Variants in AOAH observed in about 807,000 individuals in gnomAD.
AOAH encodes acyloxyacyl hydrolase, also known as acyloxyacyl hydrolase (neutrophil).
AOAH carries 64 observed loss-of-function variants against 92.2 expected under a neutral mutation model. That is an observed-to-expected ratio of 0.69 (90% CI 0.57 to 0.86). The LOEUF (loss-of-function observed/expected upper bound fraction) is 0.86. AOAH is among the 40% of genes least tolerant of loss of function. AOAH has a pLI of 0.00. For synonymous variants in AOAH, 263 were observed against 254.5 expected, an observed-to-expected ratio of 1.03 and a Z score of -0.32; for missense variants, 656 against 694.6, an observed-to-expected ratio of 0.94 and a Z score of 0.62.
intron 1 of AOAH, among the ~76,000 whole-genome samples, chr7:36,703,920 C>A (rs1184229994): frequency 6.6e-6 from 1 of 152,126 alleles, no homozygotes; most frequent in Admixed American, 6.6e-5. Flanking sequence ...ATTTACACTC[C>A]CACCAACAGT....
chr7:36,695,257 T>C (rs1409224434), intron 1 of AOAH, among the ~76,000 whole-genome samples: 1 of 152,208 alleles, frequency 6.6e-6, no homozygotes, highest in Non-Finnish European at 1.5e-5. Context: ...AAAAGTACTC[T>C]TCTATATCCA....
chr7:36,593,662 T>C (rs1172452972), intron 12 of AOAH, among the ~76,000 whole-genome samples: 1 of 152,234 alleles, frequency 6.6e-6, no homozygotes, highest in African/African-American at 2.4e-5. Context: ...GGGAGAGAAA[T>C]TGCCTCTCAT....
At chr7:36,634,174 T>C (rs890852119) in intron 5 of AOAH, among the ~76,000 whole-genome samples, 1 of 152,126 alleles carries the variant, frequency 6.6e-6, no homozygotes, top group South Asian at 2.1e-4. Flanking sequence ...AAGCTTCTAC[T>C]AAGGTAGGAG....
At chr7:36,718,926 T>TATG (rs1366870696) in intron 1 of AOAH, among the ~76,000 whole-genome samples, 1 of 152,238 alleles carries the variant, frequency 6.6e-6, no homozygotes, top group Non-Finnish European at 1.5e-5. Flanking sequence ...GAGTGAAGTT[T>TATG]ATGATACATG....
intron 11 of AOAH, among the ~76,000 whole-genome samples, chr7:36,596,843 C>T (rs2727811): frequency 0.45 from 68,400 of 152,038 alleles, 16,421 homozygotes; most frequent in African/African-American, 0.62. Flanking sequence ...TGGCTTGAAT[C>T]GGACAATATG....
At chr7:36,519,937 C>T (rs1784026446) in intron 20 of AOAH, among the ~76,000 whole-genome samples, 2 of 152,204 alleles carry the variant, frequency 1.3e-5, no homozygotes, top group African/African-American at 4.8e-5. Flanking sequence ...GGTAGTCACT[C>T]AATAAATAGT....
chr7:36,670,652 A>AT (rs1211455486), intron 3 of AOAH, among the ~76,000 whole-genome samples: 3 of 151,850 alleles, frequency 2.0e-5, no homozygotes, highest in South Asian at 2.1e-4. Context: ...TTTTTTTTGT[A>AT]TTTTAGTAGA....
chr7:36,641,473 G>T (rs1289995397), intron 4 of AOAH, among the ~76,000 whole-genome samples: 1 of 152,118 alleles, frequency 6.6e-6, no homozygotes, highest in Non-Finnish European at 1.5e-5. Flanking sequence ...ATTGAGCCCA[G>T]GGCATGTAGG....
intron 1 of AOAH, among the ~76,000 whole-genome samples, chr7:36,690,780 T>C (rs931398095): frequency 4.6e-5 from 7 of 151,920 alleles, no homozygotes; most frequent in Admixed American, 3.3e-4. Flanking sequence ...ATGAGTACAA[T>C]AGAAACAGAC....
intron 6 of AOAH, among the ~76,000 whole-genome samples, chr7:36,630,570 G>C (rs1446858107): frequency 6.6e-6 from 1 of 152,196 alleles, no homozygotes; most frequent in Non-Finnish European, 1.5e-5. Context: ...TGGGGTCTAA[G>C]GGCCTAAGAA....
chr7:36,560,571 T>C (rs1787190156), intron 13 of AOAH, among the ~76,000 whole-genome samples: 1 of 152,230 alleles, frequency 6.6e-6, no homozygotes, highest in Admixed American at 6.5e-5. Flanking sequence ...CTGATTTTTG[T>C]ACATTGATTT....
At chr7:36,655,118 C>G (rs570348427) in intron 4 of AOAH, among the ~76,000 whole-genome samples, 12 of 152,168 alleles carry the variant, frequency 7.9e-5, no homozygotes, top group Non-Finnish European at 1.8e-4. Context: ...CCTGCCCACC[C>G]CCATGTGCTT....
At chr7:36,538,321 C>G (rs551871867) in intron 16 of AOAH, among the ~76,000 whole-genome samples, 343 of 152,210 alleles carry the variant, frequency 2.3e-3, no homozygotes, top group African/African-American at 8.1e-3. Context: ...GCCACCGTGC[C>G]TGGCCTCATT....
chr7:36,706,680 A>G (rs987233860), intron 1 of AOAH, among the ~76,000 whole-genome samples: 1 of 152,228 alleles, frequency 6.6e-6, no homozygotes, highest in Non-Finnish European at 1.5e-5. Context: ...TGCTTAGAAC[A>G]GCCACCTTCA....
intron 20 of AOAH, among the ~76,000 whole-genome samples, chr7:36,517,227 TCTCTC>T (rs1783821599): frequency 1.4e-4 from 4 of 27,736 alleles, no homozygotes; most frequent in Admixed American, 1.4e-3. Context: ...TTTCTTTCTG[TCTCTC>T]TCTCTCTCTC....
intron 11 of AOAH, among the ~76,000 whole-genome samples, chr7:36,610,136 T>G (rs890334994): frequency 2.1e-5 from 3 of 141,724 alleles, no homozygotes; most frequent in Non-Finnish European, 4.5e-5. Flanking sequence ...CTTTTTTTTT[T>G]TAAGGAGAAT....
chr7:36,514,678 T>C, intron 20 of AOAH: 1 of 886,500 alleles, frequency 1.1e-6, no homozygotes, highest in Non-Finnish European at 1.8e-6. Flanking sequence ...TTTTCAATGC[T>C]GAGCAATGAG....
chr7:36,617,057 C>G (rs1383696314), intron 10 of AOAH, among the ~76,000 whole-genome samples: 1 of 152,230 alleles, frequency 6.6e-6, no homozygotes, highest in African/African-American at 2.4e-5. Context: ...AATCAGTCAC[C>G]TGTGAACTCA....
chr7:36,548,200 T>G (rs1046025554), intron 15 of AOAH, among the ~76,000 whole-genome samples: 5 of 152,216 alleles, frequency 3.3e-5, no homozygotes, highest in Non-Finnish European at 7.3e-5. Context: ...ACTTGCTTTT[T>G]TTTGAGATAG....
Sources: allele counts gnomAD v4.1 joint callset (sites outside exome capture counted in the v4.1 genomes callset), GRCh38; gene constraint gnomAD v4.1.1; transcripts MANE v1.5; gene names NCBI Gene and HGNC (gene_info 2026-07-23, HGNC 2026-07-21).